ANKRD62: variants seen among roughly 807,000 people sequenced by gnomAD.
The protein encoded by ANKRD62 is ankyrin repeat domain-containing protein 62.
In ANKRD62, 61 loss-of-function variants were observed where a neutral mutation model predicts 98.8. That is an observed-to-expected ratio of 0.62 (90% CI 0.50 to 0.76). The LOEUF (loss-of-function observed/expected upper bound fraction) is 0.76, where lower values mean the gene tolerates loss of function less well. Among genes scored for constraint, ANKRD62 ranks in the 30% least tolerant of loss-of-function variants. The probability of loss-of-function intolerance (pLI) is 0.00; values close to 1 mark genes in which losing one functional copy is unlikely to be tolerated. For missense variants in ANKRD62, 933 were observed against 1,082.9 expected, an observed-to-expected ratio of 0.86 and a Z score of 1.94; for synonymous variants, 341 against 367.9, an observed-to-expected ratio of 0.93 and a Z score of 0.84.
chr18:12,107,263 C>A (rs1463706524), intron 7 of ANKRD62, 32 bp from the exon 8 acceptor site: 12 of 1,415,022 alleles, frequency 8.5e-6, no homozygotes, highest in African/African-American at 1.5e-5. Flanking sequence ...AAAATAATGA[C>A]AATTATTCTC....
the ANKRD62 span, among the ~76,000 whole-genome samples, chr18:12,154,271 A>G: frequency 2.0e-5 from 3 of 152,238 alleles, no homozygotes; most frequent in Non-Finnish European, 4.4e-5. Context: ...CAAGCCCATT[A>G]AAAAGTTGGC....
intron 6 of ANKRD62, chr18:12,101,912 C>G: frequency 1.3e-6 from 1 of 760,790 alleles, no homozygotes; most frequent in Middle Eastern, 3.6e-4. Context: ...TTATTTCTTC[C>G]TTATTGTGAG....
At chr18:12,137,424 T>C in the ANKRD62 span, among the ~76,000 whole-genome samples, 1 of 152,204 alleles carries the variant, frequency 6.6e-6, no homozygotes, top group South Asian at 2.1e-4. Context: ...GATAAGCTTT[T>C]TGATGTGTTG....
the ANKRD62 span, among the ~76,000 whole-genome samples, chr18:12,172,897 C>T: frequency 6.6e-6 from 1 of 152,050 alleles, no homozygotes; most frequent in Non-Finnish European, 1.5e-5. Context: ...GGGCGTGGGA[C>T]CCTCTGAGCC....
At chr18:12,139,203 C>A in the ANKRD62 span, among the ~76,000 whole-genome samples, 17 of 152,074 alleles carry the variant, frequency 1.1e-4, no homozygotes, top group Admixed American at 4.6e-4. Context: ...TTCCATGTTT[C>A]GTGCTTCCTT....
chr18:12,134,275 C>T (rs986695504), downstream of ANKRD62, among the ~76,000 whole-genome samples: 1 of 152,182 alleles, frequency 6.6e-6, no homozygotes, highest in Non-Finnish European at 1.5e-5. Flanking sequence ...TAGAATTTAC[C>T]TGTCAAAATC....
the ANKRD62 span, among the ~76,000 whole-genome samples, chr18:12,178,496 G>A: frequency 6.8e-6 from 1 of 147,850 alleles, no homozygotes; most frequent in East Asian, 2.0e-4. Flanking sequence ...TGACTGGAAG[G>A]GCAAGAATGG....
chr18:12,101,799 T>C (rs1213675026), intron 6 of ANKRD62, among the ~76,000 whole-genome samples: 4 of 152,214 alleles, frequency 2.6e-5, no homozygotes, highest in Non-Finnish European at 5.9e-5. Flanking sequence ...AGTCTCACAA[T>C]TTCTTAGTCG....
In ANKRD62 at chr18:12,097,807, A is replaced by G. The variant is rs775456168; in HGVS notation, c.752+30A>G. 1.9e-5 allele frequency: 29 copies of G among 1,532,702 alleles called. No homozygotes were observed. In the South Asian group the frequency reaches 2.9e-4, roughly 15 times the overall value. 94.9% of individuals were successfully genotyped at this position (1,532,702 alleles called of 1,614,324 possible). On this transcript the variant is annotated intron_variant, in intron 5 of 13. Transcript: ENST00000587848. ...GTGTTAAAAAGGCTAGTGAACACTA[A>G]ATTGAGGTTTAAAGTCATTGTAACC...
chr18:12,168,517 A>C, the ANKRD62 span, among the ~76,000 whole-genome samples: 1 of 152,210 alleles, frequency 6.6e-6, no homozygotes, highest in Admixed American at 6.5e-5. Flanking sequence ...TACCATTACC[A>C]TGCTGTTCTG....
chr18:12,109,324 G>T (rs1445771012), intron 8 of ANKRD62, among the ~76,000 whole-genome samples: 1 of 152,166 alleles, frequency 6.6e-6, no homozygotes, highest in African/African-American at 2.4e-5. Context: ...CATGGATGCT[G>T]CCAAGGCATG....
chr18:12,162,190 C>T, the ANKRD62 span, among the ~76,000 whole-genome samples: 1 of 151,932 alleles, frequency 6.6e-6, no homozygotes, highest in Non-Finnish European at 1.5e-5. Flanking sequence ...TTGTTATTGC[C>T]TGTTCTTTGG....
chr18:12,131,192 C>T (rs1201542868), downstream of ANKRD62, among the ~76,000 whole-genome samples: 1 of 152,110 alleles, frequency 6.6e-6, no homozygotes, highest in Non-Finnish European at 1.5e-5. Context: ...AATAGGGCTA[C>T]ATGATAATGT....
rs370280718 is a variant in ANKRD62 at position 12,121,703 on chromosome 18, T to C, written c.1241-600T>C. On this transcript the variant is annotated intron_variant, in intron 10 of 13. Coordinates refer to ENST00000587848, the MANE Select transcript of ANKRD62 (RefSeq NM_001277333.2). Reference sequence around the variant, plus strand: ...AGCTCTGTCAACAAAAGAAGCTCTGTCAACAAAAAGGCCTACATTTGTTTC... The same window carrying C: ...AGCTCTGTCAACAAAAGAAGCTCTGCCAACAAAAAGGCCTACATTTGTTTC... Among the ~76,000 whole-genome samples the C allele has an allele frequency of 5.4e-4, 83 of 152,322 alleles. 2 individuals are homozygous for C. The South Asian group carries it at 0.016, about 30-fold the overall frequency.
chr18:12,114,128 A>C (rs1031759241), intron 8 of ANKRD62, among the ~76,000 whole-genome samples: 3 of 152,300 alleles, frequency 2.0e-5, no homozygotes, highest in Admixed American at 6.5e-5. Context: ...ACACACTGGC[A>C]CCTTCTGGAA....
chr18:12,164,693 C>T, the ANKRD62 span, among the ~76,000 whole-genome samples: 1 of 151,954 alleles, frequency 6.6e-6, no homozygotes. Flanking sequence ...TTTATTATCA[C>T]AAGTTTCTAG....
Position 12,097,618 on chromosome 18 carries a change from GAAATT to G in ANKRD62, c.615-20_615-16del. The G allele has an allele frequency of 6.6e-7, 1 of 1,519,162 alleles. No individual in the cohort carries two copies. The highest frequency in any genetic ancestry group is 1.2e-5 in the South Asian group (1 of 80,378). The allele number at this position is 1,519,162 out of a possible 1,614,324, so 94.1% of individuals were successfully genotyped here. ...TAGCTTTGCTAAAGTTCCTAAGCATGAAATTATCTTTCTTATTTTAGAACAGCCCT... is the reference window on the plus strand; with the variant it reads ...TAGCTTTGCTAAAGTTCCTAAGCATGATCTTTCTTATTTTAGAACAGCCCT... On this transcript the variant is annotated splice_polypyrimidine_tract_variant and intron_variant, in intron 4 of 13. Coordinates refer to ENST00000587848, the MANE Select transcript of ANKRD62 (RefSeq NM_001277333.2).
At chr18:12,174,492 C>T in the ANKRD62 span, among the ~76,000 whole-genome samples, 1 of 152,160 alleles carries the variant, frequency 6.6e-6, no homozygotes, top group African/African-American at 2.4e-5. Flanking sequence ...CTGAGTTCTG[C>T]TTCTGTCATT....
the ANKRD62 span, among the ~76,000 whole-genome samples, chr18:12,171,141 A>G: frequency 2.0e-5 from 3 of 152,120 alleles, no homozygotes; most frequent in Non-Finnish European, 4.4e-5. Context: ...ATTTACATTT[A>G]AGGTTAATAT....
Sources: allele counts gnomAD v4.1 joint callset (sites outside exome capture counted in the v4.1 genomes callset), GRCh38; gene constraint gnomAD v4.1.1; transcripts MANE v1.5; gene names NCBI Gene and HGNC (gene_info 2026-07-23, HGNC 2026-07-21).